Variants in TBC1D5 observed in about 807,000 individuals in gnomAD.
The protein encoded by TBC1D5 is TBC1 domain family member 5, also known as TBC1 domain family, member 5.
In TBC1D5, 75 loss-of-function variants were observed where a neutral mutation model predicts 100.3. That is an observed-to-expected ratio of 0.75 (90% CI 0.62 to 0.91). The LOEUF is 0.91. TBC1D5 is among the 40% of genes least tolerant of loss of function. The pLI, the probability that TBC1D5 is intolerant of heterozygous loss-of-function variation, is 0.00. For missense variants in TBC1D5, 910 were observed against 942.4 expected, an observed-to-expected ratio of 0.97 and a Z score of 0.45; for synonymous variants, 323 against 325.6, an observed-to-expected ratio of 0.99 and a Z score of 0.09.
At chr3:17,595,075 C>G (rs1402921905) in intron 2 of TBC1D5, among the ~76,000 whole-genome samples, 1 of 152,138 alleles carries the variant, frequency 6.6e-6, no homozygotes, top group African/African-American at 2.4e-5. Context: ...AGCCTCCCAG[C>G]CTACATCTTT....
At chr3:17,202,940 CCA>C (rs1253269861) in intron 18 of TBC1D5, among the ~76,000 whole-genome samples, 2 of 152,334 alleles carry the variant, frequency 1.3e-5, no homozygotes, top group Non-Finnish European at 1.5e-5. Context: ...ATTGGAGCCT[CCA>C]CACAGAGTCT....
chr3:17,292,072 T>G, intron 14 of TBC1D5, 71 bp from the exon 15 acceptor site: 2 of 1,323,388 alleles, frequency 1.5e-6, no homozygotes, highest in South Asian at 2.6e-5. Context: ...GAATATAAAA[T>G]CTAACAACTT....
chr3:17,697,631 C>T (rs374964958), intron 1 of TBC1D5, among the ~76,000 whole-genome samples: 1 of 152,184 alleles, frequency 6.6e-6, no homozygotes, highest in African/African-American at 2.4e-5. Context: ...GAAGAACATC[C>T]CACGCTCACG....
intron 19 of TBC1D5, among the ~76,000 whole-genome samples, chr3:17,182,049 A>T (rs1264111070): frequency 6.6e-6 from 1 of 152,180 alleles, no homozygotes; most frequent in Non-Finnish European, 1.5e-5. Flanking sequence ...AGAAGCCATA[A>T]TATGTTAAAA....
intron 1 of TBC1D5, among the ~76,000 whole-genome samples, chr3:17,730,092 C>T (rs1384672864): frequency 2.7e-5 from 4 of 149,712 alleles, no homozygotes; most frequent in Admixed American, 2.0e-4. Context: ...GCCTAGGGGA[C>T]AAGAGTGAAA....
chr3:17,325,455 T>A (rs1041716287), intron 13 of TBC1D5, among the ~76,000 whole-genome samples: 2 of 151,920 alleles, frequency 1.3e-5, no homozygotes, highest in Non-Finnish European at 2.9e-5. Context: ...GCCGAGTAGC[T>A]GGGATTTACA....
At chr3:17,444,210 C>A (rs1236613543) in intron 3 of TBC1D5, among the ~76,000 whole-genome samples, 1 of 151,718 alleles carries the variant, frequency 6.6e-6, no homozygotes, top group East Asian at 1.9e-4. Context: ...AACTTGTACA[C>A]TTGAGAGAAA....
chr3:17,248,950 TA>T (rs1392542135), intron 16 of TBC1D5, among the ~76,000 whole-genome samples: 3 of 152,240 alleles, frequency 2.0e-5, no homozygotes, highest in Non-Finnish European at 2.9e-5. Context: ...CCTTGCACTT[TA>T]ATGTTACAGA....
intron 1 of TBC1D5, among the ~76,000 whole-genome samples, chr3:17,627,900 T>A (rs986684354): frequency 6.6e-6 from 1 of 152,140 alleles, no homozygotes; most frequent in African/African-American, 2.4e-5. Flanking sequence ...ATGCTTTATA[T>A]ATCAATTATA....
At chr3:17,708,282 A>G (rs1388714443) in intron 1 of TBC1D5, among the ~76,000 whole-genome samples, 1 of 152,230 alleles carries the variant, frequency 6.6e-6, no homozygotes, top group Non-Finnish European at 1.5e-5. Flanking sequence ...TACTGTATCT[A>G]TCGATCTACT....
At chr3:17,484,521 C>T (rs1437267935) in intron 3 of TBC1D5, among the ~76,000 whole-genome samples, 1 of 144,676 alleles carries the variant, frequency 6.9e-6, no homozygotes, top group Non-Finnish European at 1.5e-5. Context: ...TCAAAGCATC[C>T]TGAGGTGACT....
intron 13 of TBC1D5, among the ~76,000 whole-genome samples, chr3:17,316,508 G>A (rs1047425148): frequency 6.6e-6 from 1 of 152,162 alleles, no homozygotes; most frequent in African/African-American, 2.4e-5. Context: ...CTTAGGTTAA[G>A]AACTGCTCTA....
In TBC1D5 at chr3:17,428,570, C is replaced by A; in HGVS notation, c.98-51G>T. On this transcript the variant is annotated intron_variant, in intron 3 of 21. Transcript: ENST00000253692. ...AATAATGGAGATAAACTGAATATTTCAGTTGAAAAACTGTGTGAAAGCTCT... is the reference window on the plus strand; with the variant it reads ...AATAATGGAGATAAACTGAATATTTAAGTTGAAAAACTGTGTGAAAGCTCT... 4 of 1,059,310 alleles carry A rather than the reference C, an allele frequency of 3.8e-6. No homozygotes were observed. The South Asian group carries it at 5.9e-5, about 16-fold the overall frequency. The allele number at this position is 1,059,310 out of a possible 1,614,324, so 65.6% of individuals were successfully genotyped here. A position where few individuals can be genotyped will look rare whatever the true frequency, so the allele number is the denominator to read the frequency against.
At position 17,345,166 on chromosome 3, in the gene TBC1D5, C is replaced by T. The variant is rs1407665913; in HGVS notation, c.995+26909G>A. 3.9e-5 allele frequency among the ~76,000 whole-genome samples: 6 copies of T among 151,992 alleles called. No homozygotes were observed. The South Asian group carries it at 8.3e-4, about 21-fold the overall frequency. On this transcript the variant is annotated intron_variant, in intron 13 of 21. Coordinates refer to ENST00000253692, the Ensembl canonical transcript of TBC1D5. Reference sequence around the variant, plus strand: ...AATGGGAGAAAATTTTTGCAACCTACTCATCTGACAAAGGGCTAATATCCA... The same window carrying T: ...AATGGGAGAAAATTTTTGCAACCTATTCATCTGACAAAGGGCTAATATCCA...
chr3:17,641,951 A>G (rs1189174830), intron 1 of TBC1D5, among the ~76,000 whole-genome samples: 3 of 152,140 alleles, frequency 2.0e-5, no homozygotes, highest in Admixed American at 1.3e-4. Context: ...AATAGCCCCC[A>G]ATCTGTTGCT....
In TBC1D5 at chr3:17,481,037, G is replaced by A. The variant is rs538549142; in HGVS notation, c.97+27437C>T. 1.3e-4 allele frequency among the ~76,000 whole-genome samples: 20 copies of A among 152,300 alleles called. No individual in the cohort carries two copies. In the East Asian group the frequency reaches 3.9e-3, roughly 29 times the overall value. On this transcript the variant is annotated intron_variant, in intron 3 of 21. Coordinates refer to ENST00000253692, the Ensembl canonical transcript of TBC1D5. Reference sequence around the variant, plus strand: ...GGGCCCTTCAGGGACCCTAGAGTCAGGGGCTCCCTGAACCAGGGTTGTGAC... The same window carrying A: ...GGGCCCTTCAGGGACCCTAGAGTCAAGGGCTCCCTGAACCAGGGTTGTGAC...
intron 3 of TBC1D5, among the ~76,000 whole-genome samples, chr3:17,459,700 C>A (rs1363791659): frequency 6.6e-6 from 1 of 151,322 alleles, no homozygotes; most frequent in African/African-American, 2.4e-5. Flanking sequence ...GAGTTCAGGG[C>A]CAGCCTGGGC....
At chr3:17,203,873 G>A (rs2071800286) in intron 18 of TBC1D5, among the ~76,000 whole-genome samples, 1 of 152,110 alleles carries the variant, frequency 6.6e-6, no homozygotes, top group Non-Finnish European at 1.5e-5. Context: ...TAAGAGAATG[G>A]ACTAATACAG....
chr3:17,697,143 A>G (rs1389373258), intron 1 of TBC1D5, among the ~76,000 whole-genome samples: 4 of 152,364 alleles, frequency 2.6e-5, no homozygotes, highest in Middle Eastern at 3.4e-3. Context: ...CCCACAGCCA[A>G]TATCATACCG....
Sources: gnomAD v4.1 joint callset for allele counts (sites outside exome capture counted in the v4.1 genomes callset) on GRCh38, gnomAD v4.1.1 for gene constraint, MANE v1.5 for transcripts, NCBI Gene and HGNC (gene_info 2026-07-23, HGNC 2026-07-21) for gene names.